SMPD3: variants seen among roughly 807,000 people sequenced by gnomAD.
SMPD3 encodes nSMase-2.
Under a neutral mutation model 55.7 loss-of-function variants are expected in SMPD3, and 21 were observed. The ratio of observed to expected loss-of-function variants is 0.38; its 90% CI spans 0.27 to 0.54. SMPD3 has a LOEUF of 0.54. SMPD3 is among the 20% of genes least tolerant of loss of function. The pLI, the probability that SMPD3 is intolerant of heterozygous loss-of-function variation, is 0.80. For missense variants in SMPD3, 842 were observed against 899.6 expected (o/e 0.94, Z 0.82); for synonymous variants, 457 against 404.3 (o/e 1.13, Z -1.56).
chr16:68,363,267 C>T (rs2089369396), intron 7 of SMPD3, among the ~76,000 whole-genome samples: 1 of 152,104 alleles, frequency 6.6e-6, no homozygotes, highest in Non-Finnish European at 1.5e-5. Context: ...GGAAATACCC[C>T]TAGAGATTTA....
intron 2 of SMPD3, among the ~76,000 whole-genome samples, chr16:68,377,390 G>T (rs986814462): frequency 1.3e-5 from 2 of 152,238 alleles, no homozygotes; most frequent in Non-Finnish European, 2.9e-5. Flanking sequence ...CTCCTGGTGG[G>T]TGTGTGGCAT....
intron 1 of SMPD3, among the ~76,000 whole-genome samples, chr16:68,417,223 T>C (rs917101014): frequency 7.9e-5 from 12 of 152,194 alleles, no homozygotes; most frequent in African/African-American, 2.9e-4. Context: ...GAGTTCCCTG[T>C]AGAACTGCTG....
rs746706129 is a variant in SMPD3, at chr16:68,362,388, C to G, written c.1710-629G>C. On this transcript the variant is annotated intron_variant, in intron 7 of 8. Transcript: ENST00000219334. ...GGGGATCCACAGGGAGGGCAGGGCG[C>G]TGGAGCAGGGGGATGTGACATCTGG... Among the ~76,000 whole-genome samples the G allele has an allele frequency of 3.3e-5, 5 of 152,234 alleles. No homozygotes were observed. The East Asian group carries it at 9.6e-4, about 29-fold the overall frequency.
In SMPD3 at chr16:68,447,088, C is replaced by T. The variant is rs375121557; in HGVS notation, c.-269+1265G>A. On this transcript the variant is annotated intron_variant, in intron 1 of 8. Transcript: ENST00000219334. This position sits in a 1 kb window ranked among gnomAD's most constrained non-coding sequence, Gnocchi z 5.1. Reference sequence around the variant, plus strand: ...GCCCGCGCCGCGCCCGAAGCCCCCCCTCCGCGGCCGCGCCCCCCGCCCAGC... The same window carrying T: ...GCCCGCGCCGCGCCCGAAGCCCCCCTTCCGCGGCCGCGCCCCCCGCCCAGC... Among the ~76,000 whole-genome samples the T allele has an allele frequency of 6.6e-6, 1 of 151,898 alleles. No individual in the cohort carries two copies. Among genetic ancestry groups the T allele is most frequent in the Non-Finnish European group, 1.5e-5 (1 of 67,946 alleles).
chr16:68,371,742 G>A lies in SMPD3; in HGVS notation c.440C>T (p.Thr147Ile). The A allele has an allele frequency of 1.2e-6, 2 of 1,610,538 alleles. No homozygotes were observed. Among genetic ancestry groups the A allele is most frequent in the African/African-American group, 1.3e-5 (1 of 75,010 alleles). The change falls in exon 3 of 9, where the codon ACC (threonine) becomes ATC (isoleucine). Residue 147 changes from threonine (T) to isoleucine (I), a missense_variant. Thr to Ile is a moderately conservative substitution (Grantham distance 89). Around this residue, in one of 2 missense-constraint regions of SMPD3, gnomAD observed 193 missense variants for 256.0 expected, o/e 0.75. Transcript: ENST00000219334. ...SLARVNNLFN[T>I]QARAKEIGQR... ...CCCGATCTCCTTGGCCCGCGCTTGG[G>A]TGTTAAAAAGGTTGTTGACCCTGGC...
intron 1 of SMPD3, among the ~76,000 whole-genome samples, chr16:68,401,614 T>G (rs2090206817): frequency 6.6e-6 from 1 of 151,908 alleles, no homozygotes; most frequent in Non-Finnish European, 1.5e-5. Flanking sequence ...TAAAAGGTAA[T>G]TATCTGAGAT....
rs1331132332 is a variant in SMPD3 at position 68,358,859 on chromosome 16, C to A, written c.*2347G>T. On this transcript the variant is annotated 3_prime_UTR_variant, in exon 9 of 9. Coordinates refer to ENST00000219334, the MANE Select transcript of SMPD3 (RefSeq NM_018667.4). ...TTAAAAAATCAGTGGAAGGGCCTGG[C>A]CTGCACACAAGGCCCGGGAGTCCAT... 1.3e-5 allele frequency: 2 copies of A among 152,508 alleles called. No individual in the cohort carries two copies. Among genetic ancestry groups the A allele is most frequent in the African/African-American group, 2.4e-5 (1 of 41,464 alleles). The allele number at this position is 152,508 out of a possible 1,614,324, so 9.4% of individuals were successfully genotyped here.
chr16:68,431,457 CTTGCTGGCGA>C (rs2090478809), intron 1 of SMPD3, among the ~76,000 whole-genome samples: 1 of 152,166 alleles, frequency 6.6e-6, no homozygotes, highest in African/African-American at 2.4e-5. Context: ...TTAAAGCTGT[CTTGCTGGCGA>C]TTGTATCAGA....
rs182101010 is a variant in SMPD3 at position 68,364,692 on chromosome 16, G to A, written c.1555+59C>T. 3 of 1,558,230 alleles carry A rather than the reference G, an allele frequency of 1.9e-6. No homozygotes were observed. In the African/African-American group the frequency reaches 4.1e-5, roughly 21 times the overall value. ...TGCCTAACGAAGTCTGTCTAGCTGT[G>A]ACTGAGCCCACAGCCTCCCCAGAGC... On this transcript the variant is annotated intron_variant, in intron 5 of 8. Transcript: ENST00000219334.
intron 7 of SMPD3, 81 bp from the exon 8 acceptor site, chr16:68,361,840 C>A: frequency 6.8e-7 from 1 of 1,465,982 alleles, no homozygotes; most frequent in Non-Finnish European, 9.2e-7. Flanking sequence ...GAGCCATGGT[C>A]TCCTCCCAGT....
chr16:68,422,804 G>A (rs1402433686), intron 1 of SMPD3, among the ~76,000 whole-genome samples: 1 of 152,086 alleles, frequency 6.6e-6, no homozygotes, highest in Non-Finnish European at 1.5e-5. Flanking sequence ...GCTGCTGGGA[G>A]ATTCTGGGCT....
chr16:68,371,886 C>G lies in SMPD3; in HGVS notation c.296G>C (p.Arg99Pro). Residue 99 changes from arginine to proline, a missense_variant, in exon 3 of 9, where the codon CGG becomes CCG. Arg to Pro is a moderately radical substitution (Grantham distance 103). This residue lies in a region of SMPD3 where 193 missense variants were observed against 256.0 expected (regional missense o/e 0.75). Coordinates refer to ENST00000219334, the MANE Select transcript of SMPD3 (RefSeq NM_018667.4). ...ACCGGCCAGGCCCTTGTCTTCCAGC[C>G]GTGAATAGATGTAGGGCCGGCGGGC... ...QSARRPYIYS[R>P]LEDKGLAGGA... 6.2e-7 allele frequency: 1 copy of G among 1,610,230 alleles called. No homozygotes were observed. The highest frequency in any genetic ancestry group is 8.5e-7 in the Non-Finnish European group (1 of 1,179,114).
intron 1 of SMPD3, among the ~76,000 whole-genome samples, chr16:68,436,554 A>G (rs776278028): frequency 6.6e-6 from 1 of 152,350 alleles, no homozygotes; most frequent in Non-Finnish European, 1.5e-5. Context: ...GTAGGCACAC[A>G]ATGGATTTTG....
chr16:68,399,337 C>T (rs749254751), intron 1 of SMPD3, among the ~76,000 whole-genome samples: 4 of 152,208 alleles, frequency 2.6e-5, no homozygotes, highest in South Asian at 2.1e-4. Context: ...AAGGAGGAGC[C>T]ACCTTCTTAC....
At chr16:68,411,626 T>A (rs975860665) in intron 1 of SMPD3, among the ~76,000 whole-genome samples, 1 of 152,114 alleles carries the variant, frequency 6.6e-6, no homozygotes, top group African/African-American at 2.4e-5. Context: ...CGATCAAAGA[T>A]GAGGCCTACA....
intron 1 of SMPD3, among the ~76,000 whole-genome samples, chr16:68,407,107 C>T (rs1361779471): frequency 2.0e-5 from 3 of 152,094 alleles, no homozygotes; most frequent in Non-Finnish European, 4.4e-5. Flanking sequence ...AAGGGAGACT[C>T]GTCTTGCTTG....
intron 3 of SMPD3, chr16:68,368,501 T>G (rs2089552679): frequency 6.5e-6 from 1 of 152,944 alleles, no homozygotes; most frequent in Non-Finnish European, 1.5e-5. Flanking sequence ...AGATGTGGGG[T>G]GCACCCAGGG....
rs1484169789 is a variant in SMPD3 at position 68,447,100 on chromosome 16, G to T, written c.-269+1253C>A. Among the ~76,000 whole-genome samples the T allele has an allele frequency of 6.6e-6, 1 of 151,746 alleles. No individual in the cohort carries two copies. The highest frequency in any genetic ancestry group is 1.9e-4 in the East Asian group (1 of 5,152). On this transcript the variant is annotated intron_variant, in intron 1 of 8. Coordinates refer to ENST00000219334, the MANE Select transcript of SMPD3 (RefSeq NM_018667.4). The surrounding 1 kb of genome is among the most constrained non-coding windows in gnomAD (Gnocchi z 5.1). ...CCCGAAGCCCCCCCTCCGCGGCCGCGCCCCCCGCCCAGCCCGCGGCGCAGG... is the reference window on the plus strand; with the variant it reads ...CCCGAAGCCCCCCCTCCGCGGCCGCTCCCCCCGCCCAGCCCGCGGCGCAGG...
intron 2 of SMPD3, among the ~76,000 whole-genome samples, chr16:68,380,076 C>T (rs545269109): frequency 2.2e-4 from 33 of 152,366 alleles, no homozygotes; most frequent in African/African-American, 7.7e-4. Flanking sequence ...CCACTCTCTA[C>T]CACCTGTCAC....
Sources: allele counts gnomAD v4.1 joint callset (sites outside exome capture counted in the v4.1 genomes callset), GRCh38; gene constraint gnomAD v4.1.1; regional missense constraint gnomAD v4.1.1; non-coding constraint Gnocchi (gnomAD v3.1); transcripts MANE v1.5; gene names NCBI Gene and HGNC (gene_info 2026-07-23, HGNC 2026-07-21).